Variants in RNGTT observed in about 807,000 individuals in gnomAD.
RNGTT encodes mRNA-capping enzyme.
A neutral mutation model predicts 79.3 loss-of-function variants in RNGTT; 33 were observed. The ratio of observed to expected loss-of-function variants is 0.42; its 90% CI spans 0.32 to 0.56. The LOEUF (loss-of-function observed/expected upper bound fraction) is 0.56, where lower values mean the gene tolerates loss of function less well. RNGTT is among the 20% of genes least tolerant of loss of function. RNGTT has a pLI of 0.17. For missense variants in RNGTT, 497 were observed against 739.1 expected (o/e 0.67, Z 3.80); for synonymous variants, 222 against 235.9 (o/e 0.94, Z 0.54).
intron 11 of RNGTT, among the ~76,000 whole-genome samples, chr6:88,833,970 G>A (rs936913607): frequency 2.0e-5 from 3 of 152,160 alleles, no homozygotes; most frequent in South Asian, 2.1e-4. Context: ...GCAGTGAGCC[G>A]AGATAGCACC....
chr6:88,795,107 G>A (rs1582469168), intron 12 of RNGTT, among the ~76,000 whole-genome samples: 1 of 152,108 alleles, frequency 6.6e-6, no homozygotes, highest in African/African-American at 2.4e-5. Flanking sequence ...TGATGATAGA[G>A]GAATAGTTAT....
intron 10 of RNGTT, among the ~76,000 whole-genome samples, chr6:88,847,077 T>A (rs928514012): frequency 2.6e-5 from 4 of 152,220 alleles, no homozygotes; most frequent in Non-Finnish European, 5.9e-5. Flanking sequence ...GCCTGTTTTT[T>A]AAAAATGTGT....
chr6:88,690,119 GAAGA>G (rs1775426921), intron 13 of RNGTT, among the ~76,000 whole-genome samples: 1 of 152,044 alleles, frequency 6.6e-6, no homozygotes, highest in South Asian at 2.1e-4. Flanking sequence ...TGAAAAACAA[GAAGA>G]AAGTATTATC....
At position 88,963,326 on chromosome 6, in the gene RNGTT, C is replaced by T; in HGVS notation, c.64+20G>A. ...GCACGTTGGAGTGTGGGGATTCGAA[C>T]GCCCCCCAGTCCAGGTTACCTGCCA... On this transcript the variant is annotated intron_variant, in intron 1 of 15. Coordinates refer to ENST00000369485, the MANE Select transcript of RNGTT (RefSeq NM_003800.5). 1 of 1,611,678 alleles carries T rather than the reference C, an allele frequency of 6.2e-7. No individual in the cohort carries two copies. The highest frequency in any genetic ancestry group is 8.5e-7 in the Non-Finnish European group (1 of 1,178,732).
intron 13 of RNGTT, among the ~76,000 whole-genome samples, chr6:88,722,534 T>C (rs1016205370): frequency 2.6e-5 from 4 of 152,132 alleles, no homozygotes; most frequent in African/African-American, 9.7e-5. Context: ...GGAGTCATAA[T>C]AAATGGTAAG....
At chr6:88,660,454 G>A (rs1194929545) in intron 14 of RNGTT, among the ~76,000 whole-genome samples, 3 of 151,024 alleles carry the variant, frequency 2.0e-5, no homozygotes, top group Admixed American at 6.6e-5. Context: ...TCCAGGTAAA[G>A]AGGTGAAAAA....
At chr6:88,685,224 T>A (rs1775232366) in intron 13 of RNGTT, among the ~76,000 whole-genome samples, 1 of 152,146 alleles carries the variant, frequency 6.6e-6, no homozygotes, top group African/African-American at 2.4e-5. Flanking sequence ...ATATCATCTG[T>A]ACATCATGAA....
At chr6:88,860,010 G>A (rs983722772) in intron 8 of RNGTT, among the ~76,000 whole-genome samples, 1 of 152,156 alleles carries the variant, frequency 6.6e-6, no homozygotes, top group Non-Finnish European at 1.5e-5. Context: ...AATCTCACCT[G>A]CATTTTTAAA....
At chr6:88,747,153 T>C (rs973345567) in intron 13 of RNGTT, among the ~76,000 whole-genome samples, 6 of 152,044 alleles carry the variant, frequency 3.9e-5, no homozygotes, top group African/African-American at 1.4e-4. Context: ...AAAATAGTAA[T>C]CCAAAAGCAA....
intron 2 of RNGTT, among the ~76,000 whole-genome samples, chr6:88,933,222 G>T (rs775795710): frequency 6.6e-6 from 1 of 152,126 alleles, no homozygotes. Context: ...GGTATCTGGA[G>T]TATCCATCAC....
chr6:88,818,546 G>A (rs534743737), intron 11 of RNGTT, among the ~76,000 whole-genome samples: 1 of 152,334 alleles, frequency 6.6e-6, no homozygotes, highest in African/African-American at 2.4e-5. Context: ...TTGCACTCCA[G>A]TCTGGGCAAC....
chr6:88,834,716 A>T (rs1469877120), intron 11 of RNGTT, among the ~76,000 whole-genome samples: 1 of 152,182 alleles, frequency 6.6e-6, no homozygotes, highest in African/African-American at 2.4e-5. Flanking sequence ...TGATATAAAA[A>T]TAACAAGCCT....
chr6:88,920,153 CA>C (rs1423118368), intron 4 of RNGTT, among the ~76,000 whole-genome samples: 1 of 151,772 alleles, frequency 6.6e-6, no homozygotes, highest in South Asian at 2.1e-4. Context: ...ACAATAAAGG[CA>C]AAAAAAATTA....
At chr6:88,637,002 T>C (rs1159211102) in intron 14 of RNGTT, among the ~76,000 whole-genome samples, 4 of 152,068 alleles carry the variant, frequency 2.6e-5, no homozygotes, top group South Asian at 2.1e-4. Flanking sequence ...ACAATCCTTA[T>C]GTTATTCAAT....
At chr6:88,770,157 A>T (rs1290848445) in intron 12 of RNGTT, among the ~76,000 whole-genome samples, 4 of 152,170 alleles carry the variant, frequency 2.6e-5, no homozygotes, top group Non-Finnish European at 4.4e-5. Flanking sequence ...CTTCATTTTT[A>T]AAAATGCTTT....
At chr6:88,667,125 C>A (rs1201633126) in intron 14 of RNGTT, among the ~76,000 whole-genome samples, 1 of 152,176 alleles carries the variant, frequency 6.6e-6, no homozygotes, top group Non-Finnish European at 1.5e-5. Context: ...AGAGCAGCAT[C>A]CACTCCCTTC....
At chr6:88,934,308 T>C (rs1164736110) in intron 2 of RNGTT, among the ~76,000 whole-genome samples, 1 of 152,162 alleles carries the variant, frequency 6.6e-6, no homozygotes, top group Admixed American at 6.6e-5. Flanking sequence ...AGTGCTAGGA[T>C]TACAGACATG....
rs758847775 is a variant in RNGTT, at chr6:88,890,563, C to A, written c.828G>T (p.Met276Ile). The A allele has an allele frequency of 6.2e-7, 1 of 1,613,540 alleles. No homozygotes were observed. Among genetic ancestry groups the A allele is most frequent in the Non-Finnish European group, 8.5e-7 (1 of 1,179,728 alleles). The change falls in exon 8 of 16, where the codon ATG (methionine) becomes ATT (isoleucine). Residue 276 changes from methionine (M) to isoleucine (I), a missense_variant. Physicochemically the swap from Met to Ile is conservative, Grantham distance 10. Transcript: ENST00000369485. ...CTAAAAGTTTAATATTTTGCTTGTCCATGGAAACAGGCTGTGCTCCAGGGA... is the reference window on the plus strand; with the variant it reads ...CTAAAAGTTTAATATTTTGCTTGTCAATGGAAACAGGCTGTGCTCCAGGGA... ...SGFPGAQPVSMDKQNIKLLDL... is the reference protein window; with the variant it reads ...SGFPGAQPVSIDKQNIKLLDL...
At chr6:88,847,826 C>T (rs1370193317) in intron 10 of RNGTT, among the ~76,000 whole-genome samples, 2 of 151,704 alleles carry the variant, frequency 1.3e-5, no homozygotes, top group Admixed American at 6.6e-5. Context: ...TATTGCCACA[C>T]ATATAACCAG....
Sources: allele counts gnomAD v4.1 joint callset (sites outside exome capture counted in the v4.1 genomes callset), GRCh38; gene constraint gnomAD v4.1.1; transcripts MANE v1.5; gene names NCBI Gene and HGNC (gene_info 2026-07-23, HGNC 2026-07-21).